CCT6B: variants seen among roughly 807,000 people sequenced by gnomAD.
CCT6B encodes the protein chaperonin containing TCP1 subunit 6B, also known as probable T-complex protein 1 subunit zeta-2.
CCT6B carries 49 observed loss-of-function variants against 61.5 expected under a neutral mutation model. That is an observed-to-expected ratio of 0.80 (90% CI 0.63 to 1.01). CCT6B has a LOEUF of 1.01. Ranked by LOEUF, CCT6B falls within the 50% of genes least tolerant of loss-of-function variation. The pLI, the probability that CCT6B is intolerant of heterozygous loss-of-function variation, is 0.00. For missense variants in CCT6B, 666 were observed against 634.7 expected (o/e 1.05, Z -0.53); for synonymous variants, 228 against 214.5 (o/e 1.06, Z -0.55).
At chr17:34,939,413 T>C (rs1356588621) in intron 9 of CCT6B, 83 bp from the exon 10 acceptor site, 1 of 1,187,842 alleles carries the variant, frequency 8.4e-7, no homozygotes, top group African/African-American at 1.5e-5. Context: ...ACAATCTTCA[T>C]TTGAATTTTT....
intron 10 of CCT6B, among the ~76,000 whole-genome samples, chr17:34,936,663 A>G (rs556674694): frequency 9.9e-5 from 15 of 152,180 alleles, no homozygotes; most frequent in Non-Finnish European, 1.9e-4. Context: ...TAAAAATAGC[A>G]TATACAATAG....
At chr17:34,932,610 C>A (rs1465666094) in intron 10 of CCT6B, 110 bp from the exon 11 acceptor site, 2 of 930,678 alleles carry the variant, frequency 2.1e-6, no homozygotes, top group South Asian at 2.0e-5. Context: ...CTACAGAAAC[C>A]AAATAAATTG....
At chr17:34,940,023 T>A (rs1238221070) in intron 8 of CCT6B, among the ~76,000 whole-genome samples, 1 of 152,134 alleles carries the variant, frequency 6.6e-6, no homozygotes, top group Admixed American at 6.5e-5. Context: ...TCCAACACAT[T>A]GTGCATTCTC....
chr17:34,940,226 T>A (rs1394950363), intron 8 of CCT6B, among the ~76,000 whole-genome samples: 1 of 152,130 alleles, frequency 6.6e-6, no homozygotes, highest in Non-Finnish European at 1.5e-5. Context: ...ACTATCTACT[T>A]CTATGAGTTC....
intron 8 of CCT6B, 28 bp downstream of exon 8, chr17:34,940,509 CTT>C: frequency 8.4e-7 from 1 of 1,193,782 alleles, no homozygotes; most frequent in East Asian, 2.5e-5. Flanking sequence ...CTGTTAAAAA[CTT>C]AGGATATATA....
chr17:34,940,289 T>C (rs1036510040), intron 8 of CCT6B, among the ~76,000 whole-genome samples: 17 of 152,232 alleles, frequency 1.1e-4, no homozygotes, highest in African/African-American at 4.1e-4. Flanking sequence ...TTATGTTGTA[T>C]TGTTTTGTTT....
At chr17:34,941,508 T>C (rs1444498165) in intron 7 of CCT6B, among the ~76,000 whole-genome samples, 2 of 152,224 alleles carry the variant, frequency 1.3e-5, no homozygotes, top group East Asian at 3.8e-4. Context: ...GATACAAGTT[T>C]TCTGAAATTC....
rs201111716 is a variant in CCT6B at position 34,932,485 on chromosome 17, C to T, written c.1229G>A (p.Gly410Glu). Residue 410 changes from glycine to glutamate, a missense_variant, in exon 11 of 14, where the codon GGA becomes GAA. Gly to Glu is a moderately conservative substitution (Grantham distance 98). Transcript: ENST00000314144. Reference sequence around the variant, plus strand: ...CATTGCCACTTCAATTGCACCAGCTCCAGGAACCATACAACCTATTGGAGA... The same window carrying T: ...CATTGCCACTTCAATTGCACCAGCTTCAGGAACCATACAACCTATTGGAGA... The part of the protein sequence containing the change: ...NAIEDGCMVP[G>E]AGAIEVAMAE... The T allele has an allele frequency of 2.1e-5, 34 of 1,610,052 alleles. No homozygotes were observed. In the Admixed American group the frequency reaches 4.4e-4, roughly 21 times the overall value.
intron 12 of CCT6B, among the ~76,000 whole-genome samples, chr17:34,929,744 C>T (rs1428445547): frequency 6.6e-6 from 1 of 151,910 alleles, no homozygotes; most frequent in South Asian, 2.1e-4. Flanking sequence ...GAACCCTTGA[C>T]CTTTAGTGAT....
At position 34,927,863 on chromosome 17, in the gene CCT6B, T is replaced by C. The variant is rs1412008863; in HGVS notation, c.*185A>G. On this transcript the variant is annotated 3_prime_UTR_variant, in exon 14 of 14. Transcript: ENST00000314144. ...GGGAAATATTTAAATATTATTCCTT[T>C]ACTGTAAAAGTATTTATTGTGTTCT... is the stretch of plus-strand genomic sequence containing the variant. 1 of 437,998 alleles carries C rather than the reference T, an allele frequency of 2.3e-6. No homozygotes were observed. The highest frequency in any genetic ancestry group is 4.1e-6 in the Non-Finnish European group (1 of 245,294). The allele number at this position is 437,998 out of a possible 1,614,324, so 27.1% of individuals were successfully genotyped here.
intron 10 of CCT6B, among the ~76,000 whole-genome samples, chr17:34,938,863 G>A (rs1597742734): frequency 6.6e-6 from 1 of 151,834 alleles, no homozygotes; most frequent in African/African-American, 2.4e-5. Flanking sequence ...AGGGCAGATC[G>A]CTTGAGCCCA....
chr17:34,947,721 C>T (rs1177573327), intron 5 of CCT6B, among the ~76,000 whole-genome samples: 3 of 152,112 alleles, frequency 2.0e-5, no homozygotes, highest in African/African-American at 7.2e-5. Context: ...GTGGCTCACA[C>T]CTGTAATCCC....
intron 10 of CCT6B, among the ~76,000 whole-genome samples, chr17:34,937,050 T>A (rs556782265): frequency 6.6e-6 from 1 of 152,048 alleles, no homozygotes; most frequent in Non-Finnish European, 1.5e-5. Flanking sequence ...TCCAGCTACT[T>A]GGGAAGCTAA....
At chr17:34,954,673 T>C in intron 3 of CCT6B, 74 bp from the exon 4 acceptor site, 8 of 1,258,308 alleles carry the variant, frequency 6.4e-6, no homozygotes, top group Non-Finnish European at 7.7e-6. Context: ...TGTCTGATTA[T>C]TATGTTCAAA....
Position 34,954,630 on chromosome 17 carries a change from A to G in CCT6B, c.337-31T>C, listed in dbSNP as rs1457978765. 3 of 1,545,172 alleles carry G rather than the reference A, an allele frequency of 1.9e-6. No individual in the cohort carries two copies. In the Admixed American group the frequency reaches 6.4e-5, roughly 33 times the overall value. ...ACATCAACATAAAATTATAAATTAT[A>G]AAATAAGTCACCCAATGTAAAAGTA... On this transcript the variant is annotated intron_variant, in intron 3 of 13. Transcript: ENST00000314144.
chr17:34,936,676 A>G (rs766919769), intron 10 of CCT6B, among the ~76,000 whole-genome samples: 6 of 152,190 alleles, frequency 3.9e-5, no homozygotes, highest in Non-Finnish European at 5.9e-5. Context: ...TACAATAGCA[A>G]CAAAATACAT....
intron 3 of CCT6B, among the ~76,000 whole-genome samples, chr17:34,956,478 G>A (rs947263512): frequency 6.6e-6 from 1 of 152,022 alleles, no homozygotes; most frequent in Admixed American, 6.5e-5. Flanking sequence ...CTCTATCACT[G>A]CACCACCACA....
intron 11 of CCT6B, among the ~76,000 whole-genome samples, 198 bp downstream of exon 11, chr17:34,932,169 C>T (rs1173468784): frequency 2.0e-5 from 3 of 152,166 alleles, no homozygotes; most frequent in Non-Finnish European, 4.4e-5. Context: ...TTGGCTATTT[C>T]ATGAGATCGT....
Position 34,946,482 on chromosome 17 carries a change from T to A in CCT6B, c.615-3576A>T, listed in dbSNP as rs117435186. 1.3e-3 allele frequency among the ~76,000 whole-genome samples: 204 copies of A among 152,192 alleles called. 3 individuals are homozygous for A. In the East Asian group the frequency reaches 0.033, roughly 24 times the overall value. On this transcript the variant is annotated intron_variant, in intron 5 of 13. Transcript: ENST00000314144. ...CACCATAAAAGGTAACGTGGCAGATTTAAGAAAGAACCAAATAGAACTTCT... is the reference window on the plus strand; with the variant it reads ...CACCATAAAAGGTAACGTGGCAGATATAAGAAAGAACCAAATAGAACTTCT...
Sources: allele counts gnomAD v4.1 joint callset (sites outside exome capture counted in the v4.1 genomes callset), GRCh38; gene constraint gnomAD v4.1.1; transcripts MANE v1.5; gene names NCBI Gene and HGNC (gene_info 2026-07-23, HGNC 2026-07-21).